Variants in ARPP21 observed in about 807,000 individuals in gnomAD.
ARPP21 encodes cAMP regulated phosphoprotein 21, also known as cAMP-regulated phosphoprotein 21.
ARPP21 carries 69 observed loss-of-function variants against 113.2 expected under a neutral mutation model. The observed-to-expected ratio is 0.61, with a 90% CI of 0.50 to 0.74. ARPP21 has a LOEUF of 0.74. Ranked by LOEUF, ARPP21 falls within the 30% of genes least tolerant of loss-of-function variation. The pLI is 0.00. For missense variants in ARPP21, 1,070 were observed against 1,037.4 expected (o/e 1.03, Z -0.43); for synonymous variants, 368 against 375.5 (o/e 0.98, Z 0.23).
chr3:35,658,795 T>C (rs149395556), intron 1 of ARPP21, among the ~76,000 whole-genome samples: 65 of 152,184 alleles, frequency 4.3e-4, no homozygotes, highest in Non-Finnish European at 7.9e-4. Flanking sequence ...GCTGGACCTG[T>C]GCTGTGCTGA....
intron 1 of ARPP21, among the ~76,000 whole-genome samples, chr3:35,668,915 C>T (rs775128618): frequency 1.8e-4 from 28 of 152,034 alleles, no homozygotes; most frequent in Admixed American, 6.6e-4. Flanking sequence ...TTATCAAATA[C>T]GGGGAAATGC....
intron 12 of ARPP21, 135 bp from the exon 13 acceptor site, chr3:35,717,163 G>A: frequency 3.7e-6 from 2 of 544,690 alleles, no homozygotes; most frequent in East Asian, 2.9e-5. Context: ...ATTTATTATG[G>A]CAAAATTCAA....
intron 19 of ARPP21, among the ~76,000 whole-genome samples, chr3:35,750,374 T>C (rs1416448237): frequency 2.0e-5 from 3 of 152,140 alleles, no homozygotes; most frequent in African/African-American, 7.2e-5. Context: ...TTTAGAGATT[T>C]TCCTTTTGTC....
At chr3:35,673,426 G>C (rs1447222960) in intron 1 of ARPP21, among the ~76,000 whole-genome samples, 22 of 151,994 alleles carry the variant, frequency 1.4e-4, no homozygotes, top group Admixed American at 1.4e-3. Context: ...TGAGGTCATA[G>C]ATGGGCAATT....
chr3:35,712,514 C>CTGTGTGTG lies in ARPP21; in HGVS notation c.898-2884_898-2877dup, dbSNP rs10579469. Among the ~76,000 whole-genome samples the CTGTGTGTG allele has an allele frequency of 9.6e-3, 1,278 of 132,880 alleles. 17 individuals are homozygous for CTGTGTGTG. The highest frequency in any genetic ancestry group is 0.038 in the Middle Eastern group (10 of 266). 87.2% of individuals were successfully genotyped at this position (132,880 alleles called of 152,430 possible). The stretch of plus-strand genomic sequence containing the variant: ...AAATATATCTTGGTGTCTAAGGTGT[C>CTGTGTGTG]TGTGTGTGTGTGTGTGTGTGTGTGT... On this transcript the variant is annotated intron_variant, in intron 11 of 20. Transcript: ENST00000684406.
chr3:35,740,248 C>G (rs746948072), intron 18 of ARPP21, among the ~76,000 whole-genome samples: 2 of 152,176 alleles, frequency 1.3e-5, no homozygotes, highest in African/African-American at 4.8e-5. Context: ...CTCTGGTACT[C>G]TCTTGGGTAT....
At chr3:35,649,412 A>T (rs544915101) in intron 1 of ARPP21, among the ~76,000 whole-genome samples, 141 of 152,322 alleles carry the variant, frequency 9.3e-4, no homozygotes, top group African/African-American at 2.8e-3. Context: ...CTGACTACAA[A>T]CATTACTTTT....
At chr3:35,734,365 A>C (rs2094200940) in intron 15 of ARPP21, among the ~76,000 whole-genome samples, 1 of 152,238 alleles carries the variant, frequency 6.6e-6, no homozygotes, top group South Asian at 2.1e-4. Flanking sequence ...TTTTGAAGCT[A>C]GAAGAAAGTT....
chr3:35,696,723 A>G lies in ARPP21; in HGVS notation c.686+5718A>G, dbSNP rs149145446. Among the ~76,000 whole-genome samples the G allele has an allele frequency of 1.3e-4, 20 of 151,722 alleles. No homozygotes were observed. The East Asian group carries it at 3.9e-3, about 30-fold the overall frequency. ...TTTTGATATTATAAATGATATTTAT[A>G]ATAGATTTACTCTACATAATGTTAC... On this transcript the variant is annotated intron_variant, in intron 9 of 20. Transcript: ENST00000684406.
chr3:35,662,881 CAG>C (rs1373251476), intron 1 of ARPP21, among the ~76,000 whole-genome samples: 6 of 151,774 alleles, frequency 4.0e-5, no homozygotes, highest in Admixed American at 6.6e-5. Flanking sequence ...CACATGGAGA[CAG>C]AGAGTAAAAA....
Position 35,660,414 on chromosome 3 carries a change from T to C in ARPP21, c.-212-19373T>C, listed in dbSNP as rs533793591. Among the ~76,000 whole-genome samples the C allele has an allele frequency of 1.1e-4, 17 of 152,286 alleles. 1 individual carries two copies. In the South Asian group the frequency reaches 3.3e-3, roughly 30 times the overall value. On this transcript the variant is annotated intron_variant, in intron 1 of 20. Coordinates refer to ENST00000684406, the MANE Select transcript of ARPP21 (RefSeq NM_001385562.1). ...TTCCAGATGTGAGCAGGCCAAACTC[T>C]TACTCTGCTTCCACCCCCTTATCCG...
At chr3:35,774,791 C>A (rs949587456) in intron 19 of ARPP21, 1 of 152,116 alleles carries the variant, frequency 6.6e-6, no homozygotes, top group Non-Finnish European at 1.5e-5. Flanking sequence ...TGCAAAATAA[C>A]TTTTGTATGT....
intron 11 of ARPP21, among the ~76,000 whole-genome samples, chr3:35,711,031 T>A (rs2090966635): frequency 6.6e-6 from 1 of 152,224 alleles, no homozygotes; most frequent in Non-Finnish European, 1.5e-5. Flanking sequence ...GCTATTGCCA[T>A]AGCTTTTTAA....
intron 8 of ARPP21, among the ~76,000 whole-genome samples, chr3:35,690,587 A>T (rs1460404088): frequency 6.6e-6 from 1 of 151,602 alleles, no homozygotes; most frequent in Non-Finnish European, 1.5e-5. Context: ...TTGATAAGGT[A>T]TCATGGACTA....
At chr3:35,756,743 A>G (rs1304833250) in intron 19 of ARPP21, among the ~76,000 whole-genome samples, 2 of 152,088 alleles carry the variant, frequency 1.3e-5, no homozygotes, top group Non-Finnish European at 2.9e-5. Context: ...GTCCAGCACA[A>G]TTGCACCCTT....
intron 19 of ARPP21, among the ~76,000 whole-genome samples, chr3:35,755,507 C>A (rs1197451548): frequency 6.6e-6 from 1 of 151,894 alleles, no homozygotes; most frequent in Non-Finnish European, 1.5e-5. Context: ...AGTTCTTTTT[C>A]TTTCTATTCT....
chr3:35,737,243 C>T lies in ARPP21; in HGVS notation c.1525C>T (p.Leu509=), dbSNP rs1458857737. ...CAACCCACCCACCAGTCAGCAGCCCCTGCGAAGCGCCATGGTGGGGCAGTC... is the reference window on the plus strand; with the variant it reads ...CAACCCACCCACCAGTCAGCAGCCCTTGCGAAGCGCCATGGTGGGGCAGTC... The part of the protein sequence containing the change: ...IYNPPTSQQP[L]RSAMVGQSQQ... Residue 509 remains leucine (L), a synonymous_variant, in exon 16 of 21, where the codon CTG becomes TTG. Coordinates refer to ENST00000684406, the MANE Select transcript of ARPP21 (RefSeq NM_001385562.1). 6.2e-7 allele frequency: 1 copy of T among 1,613,134 alleles called. No individual in the cohort carries two copies. The highest frequency in any genetic ancestry group is 1.3e-5 in the African/African-American group (1 of 74,922).
intron 19 of ARPP21, among the ~76,000 whole-genome samples, chr3:35,748,727 A>AT (rs897728044): frequency 2.8e-4 from 42 of 152,126 alleles, no homozygotes; most frequent in Non-Finnish European, 4.7e-4. Context: ...CTCTCATGCC[A>AT]TTTTTTTAGT....
At chr3:35,666,776 C>A (rs2074469084) in intron 1 of ARPP21, among the ~76,000 whole-genome samples, 1 of 152,118 alleles carries the variant, frequency 6.6e-6, no homozygotes, top group South Asian at 2.1e-4. Flanking sequence ...AACAGGCATC[C>A]AAATTAATTC....
Sources: gnomAD v4.1 joint callset for allele counts (sites outside exome capture counted in the v4.1 genomes callset) on GRCh38, gnomAD v4.1.1 for gene constraint, MANE v1.5 for transcripts, NCBI Gene and HGNC (gene_info 2026-07-23, HGNC 2026-07-21) for gene names.